Variants in PADI4 observed in about 807,000 individuals in gnomAD.
PADI4 encodes peptidyl arginine deiminase 4.
A neutral mutation model predicts 75.0 loss-of-function variants in PADI4; 62 were observed. The ratio of observed to expected loss-of-function variants is 0.83; its 90% CI spans 0.67 to 1.02. The LOEUF (loss-of-function observed/expected upper bound fraction) is 1.02. PADI4 is among the 50% of genes least tolerant of loss of function. PADI4 has a pLI of 0.00. For missense variants in PADI4, 845 were observed against 850.5 expected, an observed-to-expected ratio of 0.99 and a Z score of 0.08; for synonymous variants, 361 against 348.1, an observed-to-expected ratio of 1.04 and a Z score of -0.41.
At chr1:17,331,200 G>T (rs2100703277) in intron 2 of PADI4, 51 bp downstream of exon 2, 1 of 1,473,510 alleles carries the variant, frequency 6.8e-7, no homozygotes, top group Non-Finnish European at 9.4e-7. Context: ...CAGCAGGGCA[G>T]CCACACACAC....
chr1:17,309,781 T>C (rs1557532875), intron 1 of PADI4, among the ~76,000 whole-genome samples: 1 of 152,126 alleles, frequency 6.6e-6, no homozygotes, highest in Non-Finnish European at 1.5e-5. Flanking sequence ...GACCAAGAAG[T>C]TGGGGAGAAA....
At chr1:17,342,931 C>A (rs1002939825) in intron 8 of PADI4, among the ~76,000 whole-genome samples, 4 of 152,162 alleles carry the variant, frequency 2.6e-5, no homozygotes, top group South Asian at 2.1e-4. Flanking sequence ...GCTGAGATTG[C>A]GCCACTGCGC....
In PADI4 at chr1:17,340,227, C is replaced by T. The variant is rs115508194; in HGVS notation, c.652+414C>T. ...GTAGGTGCCAGGTTGATCCCAGGCA[C>T]GGGGCACAGAGCCATGACTGTGACC... On this transcript the variant is annotated intron_variant, in intron 6 of 15. Coordinates refer to ENST00000375448, the MANE Select transcript of PADI4 (RefSeq NM_012387.3). 9.7e-3 allele frequency among the ~76,000 whole-genome samples: 1,476 copies of T among 152,306 alleles called. 7 individuals carry two copies. The highest frequency in any genetic ancestry group is 0.014 in the Non-Finnish European group (975 of 68,022).
intron 1 of PADI4, among the ~76,000 whole-genome samples, chr1:17,318,909 C>T (rs1415276081): frequency 2.0e-5 from 3 of 152,010 alleles, no homozygotes; most frequent in Non-Finnish European, 4.4e-5. Flanking sequence ...AGGATGGTCT[C>T]GATCTCCTGA....
At chr1:17,321,956 T>C (rs1009841359) in intron 1 of PADI4, among the ~76,000 whole-genome samples, 4 of 152,168 alleles carry the variant, frequency 2.6e-5, no homozygotes, top group African/African-American at 9.7e-5. Flanking sequence ...TCCTTTTGAG[T>C]CTTTGATCAG....
chr1:17,341,749 C>T (rs1478137757), intron 6 of PADI4, among the ~76,000 whole-genome samples, 194 bp from the exon 7 acceptor site: 1 of 152,230 alleles, frequency 6.6e-6, no homozygotes, highest in African/African-American at 2.4e-5. Context: ...TCTGGGACTT[C>T]AGCCGGGGAG....
intron 1 of PADI4, among the ~76,000 whole-genome samples, chr1:17,325,403 TA>T (rs1444854455): frequency 6.6e-6 from 1 of 152,118 alleles, no homozygotes; most frequent in Non-Finnish European, 1.5e-5. Context: ...AATGGTTTGC[TA>T]GAAAAAAAGA....
In PADI4 at chr1:17,311,554, G is replaced by C. The variant is rs113509472; in HGVS notation, c.92+3240G>C. 8.3e-3 allele frequency among the ~76,000 whole-genome samples: 1,231 copies of C among 147,640 alleles called. 7 individuals are homozygous for C. The highest frequency in any genetic ancestry group is 0.011 in the Non-Finnish European group (771 of 67,304). On this transcript the variant is annotated intron_variant, in intron 1 of 15. Transcript: ENST00000375448. ...TTTTTTTTTTTAAAAACGGAGTCTC[G>C]CTCTGTCCAGCCCAGGCTGGAGTGC...
intron 1 of PADI4, among the ~76,000 whole-genome samples, chr1:17,318,813 G>A (rs2073985715): frequency 1.3e-5 from 2 of 150,302 alleles, no homozygotes; most frequent in Admixed American, 1.3e-4. Flanking sequence ...AGCCTCCCGA[G>A]TAGCTGGGAC....
At chr1:17,362,675 C>T (rs558842224) in intron 15 of PADI4, among the ~76,000 whole-genome samples, 9 of 152,124 alleles carry the variant, frequency 5.9e-5, no homozygotes, top group African/African-American at 2.2e-4. Context: ...GCATATGTAC[C>T]CCCAAATCTA....
At chr1:17,354,170 A>G (rs2074718333) in intron 10 of PADI4, among the ~76,000 whole-genome samples, 1 of 152,022 alleles carries the variant, frequency 6.6e-6, no homozygotes, top group African/African-American at 2.4e-5. Context: ...TCCTTGAACC[A>G]GGGGCGGAGG....
At position 17,333,933 on chromosome 1, in the gene PADI4, T is replaced by C. The variant is rs1024585041; in HGVS notation, c.274-10T>C. ...CTAAGAGAAGTCATTAGTGATCTGC[T>C]CTCCCATAGGTTCAGATTTCATACT... On this transcript the variant is annotated splice_polypyrimidine_tract_variant and intron_variant, in intron 2 of 15. Transcript: ENST00000375448. The C allele has an allele frequency of 1.2e-6, 2 of 1,603,946 alleles. No homozygotes were observed. Among genetic ancestry groups the C allele is most frequent in the East Asian group, 2.2e-5 (1 of 44,826 alleles).
At chr1:17,345,142 A>G (rs113986902) in intron 8 of PADI4, among the ~76,000 whole-genome samples, 7,770 of 152,286 alleles carry the variant, frequency 0.051, 230 homozygotes, top group African/African-American at 0.076. Flanking sequence ...GGAGTCAAAG[A>G]TCATTTTGGA....
At chr1:17,342,475 G>A (rs1442170770) in intron 8 of PADI4, 73 bp downstream of exon 8, 44 of 909,880 alleles carry the variant, frequency 4.8e-5, no homozygotes, top group Non-Finnish European at 7.3e-5. Flanking sequence ...CACTCACTGT[G>A]TGATGGGAAA....
chr1:17,318,092 C>A (rs10788662), intron 1 of PADI4, among the ~76,000 whole-genome samples: 113,352 of 152,196 alleles, frequency 0.74, 42,415 homozygotes, highest in Middle Eastern at 0.81. Context: ...AGTGGAGCCC[C>A]AGAATCTGCA....
Position 17,351,609 on chromosome 1 carries a change from CAAAAAA to C in PADI4, c.1156-2906_1156-2901del, listed in dbSNP as rs56047360. Among the ~76,000 whole-genome samples the C allele has an allele frequency of 2.7e-3, 262 of 98,000 alleles. 3 individuals are homozygous for C. The highest frequency in any genetic ancestry group is 6.4e-3 in the East Asian group (20 of 3,108). 64.3% of individuals were successfully genotyped at this position (98,000 alleles called of 152,430 possible). On this transcript the variant is annotated intron_variant, in intron 10 of 15. Coordinates refer to ENST00000375448, the MANE Select transcript of PADI4 (RefSeq NM_012387.3). ...GGGCAATAGGAGTAAGACCTGGTCTCAAAAAAAAAAAAAAAAAAAAAAAGATTGCGT... is the reference window on the plus strand; with the variant it reads ...GGGCAATAGGAGTAAGACCTGGTCTCAAAAAAAAAAAAAAAAAGATTGCGT...
chr1:17,343,293 C>T (rs914219663), intron 8 of PADI4, among the ~76,000 whole-genome samples: 2 of 152,104 alleles, frequency 1.3e-5, no homozygotes, highest in Non-Finnish European at 2.9e-5. Flanking sequence ...GGTCTTATCC[C>T]TGAGGACGGG....
At chr1:17,331,201 CCA>C (rs1237626541) in intron 2 of PADI4, 52 bp downstream of exon 2, 3 of 1,466,462 alleles carry the variant, frequency 2.0e-6, no homozygotes, top group South Asian at 2.3e-5. Context: ...AGCAGGGCAG[CCA>C]CACACACTCT....
In PADI4 at chr1:17,342,388, G is replaced by A. The variant is rs756513098; in HGVS notation, c.921G>A (p.Glu307=). 1.2e-6 allele frequency: 2 copies of A among 1,611,668 alleles called. No individual in the cohort carries two copies. The highest frequency in any genetic ancestry group is 2.2e-5 in the East Asian group (1 of 44,866). The stretch of plus-strand genomic sequence containing the variant: ...CCCCCAACACCCAGCCCCCGCAGGA[G>A]GTGTACGCGTGCAGGTGAGAGGTCC... The part of the protein sequence containing the change: ...IMTPNTQPPQ[E]VYACSIFENE... The change falls in exon 8 of 16, where the codon GAG becomes GAA. Residue 307 remains glutamate (E), a synonymous_variant. Coordinates refer to ENST00000375448, the MANE Select transcript of PADI4 (RefSeq NM_012387.3).
Sources: allele counts gnomAD v4.1 joint callset (sites outside exome capture counted in the v4.1 genomes callset), GRCh38; gene constraint gnomAD v4.1.1; transcripts MANE v1.5; gene names NCBI Gene and HGNC (gene_info 2026-07-23, HGNC 2026-07-21).